TRRAP: variants seen among roughly 807,000 people sequenced by gnomAD.
The protein encoded by TRRAP is transformation/transcription domain-associated protein.
Under a neutral mutation model 438.8 loss-of-function variants are expected in TRRAP, and 41 were observed. The ratio of observed to expected loss-of-function variants is 0.09; its 90% confidence interval spans 0.07 to 0.12. The LOEUF (loss-of-function observed/expected upper bound fraction) is 0.12. Among genes scored for constraint, TRRAP ranks in the 10% least tolerant of loss-of-function variants. The probability of loss-of-function intolerance (pLI) is 1.00; values close to 1 mark genes in which losing one functional copy is unlikely to be tolerated. For missense variants in TRRAP, 3,122 were observed against 5,055.1 expected (o/e 0.62, Z 11.60); for synonymous variants, 1,994 against 1,962.9 (o/e 1.02, Z -0.42).
intron 12 of TRRAP, among the ~76,000 whole-genome samples, chr7:98,904,636 C>G (rs986429752): frequency 1.3e-5 from 2 of 152,180 alleles, no homozygotes; most frequent in African/African-American, 4.8e-5. Context: ...TCCCAAGCTG[C>G]TGCCCTGCAG....
rs185302768 is a variant in TRRAP, at chr7:98,915,354, G to A, written c.2200-369G>A. Among the ~76,000 whole-genome samples the A allele has an allele frequency of 1.6e-3, 238 of 152,002 alleles. 2 individuals carry two copies. The highest frequency in any genetic ancestry group is 5.5e-3 in the African/African-American group (229 of 41,452). On this transcript the variant is annotated intron_variant, in intron 18 of 72. Coordinates refer to ENST00000456197, the MANE Select transcript of TRRAP (RefSeq NM_001375524.1). Reference sequence around the variant, plus strand: ...ATTACCAGCGTGTGCCACCACAGCTGGCTAATTTTGTATTTTTAGTAGAGA... The same window carrying A: ...ATTACCAGCGTGTGCCACCACAGCTAGCTAATTTTGTATTTTTAGTAGAGA...
At chr7:98,981,269 G>A (rs910878421) in intron 58 of TRRAP, among the ~76,000 whole-genome samples, 3 of 152,154 alleles carry the variant, frequency 2.0e-5, no homozygotes, top group Non-Finnish European at 1.5e-5. Flanking sequence ...GGGCATGGTG[G>A]CACACGCCTG....
chr7:98,918,248 T>TTTTG (rs1789610727), intron 20 of TRRAP, among the ~76,000 whole-genome samples: 1 of 95,946 alleles, frequency 1.0e-5, no homozygotes, highest in African/African-American at 3.0e-5. Context: ...TTTTTTTTTT[T>TTTTG]GTGATAGAGT....
chr7:98,902,117 T>C (rs1390071521), intron 11 of TRRAP, among the ~76,000 whole-genome samples: 7 of 152,224 alleles, frequency 4.6e-5, no homozygotes, highest in Admixed American at 4.6e-4. Flanking sequence ...TACATGCAGA[T>C]TTTTGTATGG....
In TRRAP at chr7:98,978,266, G is replaced by C. The variant is rs768706920; in HGVS notation, c.8441G>C (p.Ser2814Thr). ...AAAGCCAAAAAAGAACATGAGAGGA[G>C]TAACGCCTCCCCTGCTATTTTCCCT... ...MDKAKKEHERSNASPAIFPEY... is the reference protein window; with the variant it reads ...MDKAKKEHERTNASPAIFPEY... The change falls in exon 57 of 73, where the codon AGT (serine) becomes ACT (threonine). Residue 2814 changes from serine to threonine, a missense_variant. By Grantham distance (58) the Ser-to-Thr change is moderately conservative. Coordinates refer to ENST00000456197, the MANE Select transcript of TRRAP (RefSeq NM_001375524.1). 1 of 1,614,156 alleles carries C rather than the reference G, an allele frequency of 6.2e-7. No homozygotes were observed. The highest frequency in any genetic ancestry group is 8.5e-7 in the Non-Finnish European group (1 of 1,180,034).
At chr7:99,008,242 C>G in intron 69 of TRRAP, 135 bp from the exon 70 acceptor site, 1 of 861,726 alleles carries the variant, frequency 1.2e-6, no homozygotes, top group Non-Finnish European at 1.8e-6. Context: ...TGCATGACCA[C>G]CGGGTTCTTC....
chr7:98,971,877 A>G lies in TRRAP; in HGVS notation c.7771A>G (p.Ile2591Val), dbSNP rs760750886. Residue 2591 changes from isoleucine (I) to valine (V), a missense_variant, in exon 53 of 73, where the codon ATT becomes GTT. Physicochemically the swap from Ile to Val is conservative, Grantham distance 29. This residue lies in a region of TRRAP where 992 missense variants were observed against 1,281.2 expected (regional missense o/e 0.77). Coordinates refer to ENST00000456197, the MANE Select transcript of TRRAP (RefSeq NM_001375524.1). ...AACCAAAGAACTTTCAGAAAAGGAC[A>G]TTGGAAACCAGCTGCACATGCTAAC... ...PKTKELSEKD[I>V]GNQLHMLTNR... 1.2e-6 allele frequency: 2 copies of G among 1,614,218 alleles called. No individual in the cohort carries two copies. The highest frequency in any genetic ancestry group is 1.3e-5 in the African/African-American group (1 of 75,048).
intron 20 of TRRAP, among the ~76,000 whole-genome samples, chr7:98,921,074 T>C (rs1308989791): frequency 6.6e-6 from 1 of 152,200 alleles, no homozygotes; most frequent in East Asian, 1.9e-4. Context: ...CGACTTCAGG[T>C]GATCCGCCCA....
intron 26 of TRRAP, among the ~76,000 whole-genome samples, chr7:98,932,572 G>A (rs1554413185): frequency 6.6e-6 from 1 of 151,912 alleles, no homozygotes; most frequent in Non-Finnish European, 1.5e-5. Flanking sequence ...TTGAACTCCT[G>A]GGGTCGAGCA....
At chr7:98,992,062 A>G (rs1793452283) in intron 64 of TRRAP, 75 bp from the exon 65 acceptor site, 13 of 1,528,870 alleles carry the variant, frequency 8.5e-6, no homozygotes, top group Non-Finnish European at 3.6e-6. Context: ...GACATTGGTT[A>G]TTTTCAGTAC....
At position 99,012,954 on chromosome 7, in the gene TRRAP, C is replaced by T. The variant is rs968913946; in HGVS notation, c.*599C>T. The T allele has an allele frequency of 6.6e-6, 1 of 152,334 alleles. No homozygotes were observed. The highest frequency in any genetic ancestry group is 1.5e-5 in the Non-Finnish European group (1 of 68,118). 9.4% of individuals were successfully genotyped at this position (152,334 alleles called of 1,614,324 possible). ...GGCCACCCTGCGGGAGCGCCACACG[C>T]ATCCACTTCGGATTCAGTGGGTGAA... On this transcript the variant is annotated 3_prime_UTR_variant, in exon 73 of 73. Coordinates refer to ENST00000456197, the MANE Select transcript of TRRAP (RefSeq NM_001375524.1). The surrounding 1 kb of genome is among the most constrained non-coding windows in gnomAD (Gnocchi z 5.9).
intron 3 of TRRAP, among the ~76,000 whole-genome samples, chr7:98,885,507 C>A (rs889183955): frequency 1.3e-5 from 2 of 151,962 alleles, no homozygotes; most frequent in Non-Finnish European, 2.9e-5. Flanking sequence ...GAATCAAATA[C>A]CCTACTATCT....
intron 17 of TRRAP, 70 bp from the exon 18 acceptor site, chr7:98,911,952 C>T: frequency 7.2e-7 from 1 of 1,385,970 alleles, no homozygotes; most frequent in Non-Finnish European, 1.0e-6. Context: ...TTTTTGAAAG[C>T]TTACTACTTT....
chr7:98,983,603 CG>C lies in TRRAP; in HGVS notation c.9022+148del, dbSNP rs1000159054. ...TATTTTGGGGTAGGGAATGACAGGT[CG>C]GGGTGGTAATGGTACAGGGAAAGAT... is the stretch of plus-strand genomic sequence containing the variant. On this transcript the variant is annotated intron_variant, in intron 60 of 72. Transcript: ENST00000456197. 54 of 871,724 alleles carry C rather than the reference CG, an allele frequency of 6.2e-5. No homozygotes were observed. In the African/African-American group the frequency reaches 6.8e-4, roughly 11 times the overall value. The allele number at this position is 871,724 out of a possible 1,614,324, so 54.0% of individuals were successfully genotyped here.
chr7:98,935,836 T>C (rs1436889815), intron 28 of TRRAP, among the ~76,000 whole-genome samples, 161 bp downstream of exon 28: 1 of 152,250 alleles, frequency 6.6e-6, no homozygotes, highest in Non-Finnish European at 1.5e-5. Flanking sequence ...TTTATCAAAC[T>C]GTGTAATGAG....
In TRRAP at chr7:99,011,560, C is replaced by T. The variant is rs1562985936; in HGVS notation, c.11337+25C>T. 1 of 1,605,740 alleles carries T rather than the reference C, an allele frequency of 6.2e-7. No homozygotes were observed. Among genetic ancestry groups the T allele is most frequent in the Non-Finnish European group, 8.5e-7 (1 of 1,176,108 alleles). On this transcript the variant is annotated intron_variant, in intron 72 of 72. Coordinates refer to ENST00000456197, the MANE Select transcript of TRRAP (RefSeq NM_001375524.1). This position sits in a 1 kb window ranked among gnomAD's most constrained non-coding sequence, Gnocchi z 7.1. ...GGTGGGTCTCCACGTCGTCCTATCA[C>T]AGGCGCAGGCTAGAGCCACTCAGAT...
At chr7:98,989,892 G>T (rs1166835439) in intron 63 of TRRAP, among the ~76,000 whole-genome samples, 4 of 152,250 alleles carry the variant, frequency 2.6e-5, no homozygotes, top group Non-Finnish European at 4.4e-5. Context: ...TCACTGGTCA[G>T]TGCTAGTCAG....
In TRRAP at chr7:98,908,724, G is replaced by T; in HGVS notation, c.1116-4G>T. ...TGAGCACTAGTCGAGGTCTCTGCCCGCAGGCCCCTCGCCTACAGCACGCTG... is the reference window on the plus strand; with the variant it reads ...TGAGCACTAGTCGAGGTCTCTGCCCTCAGGCCCCTCGCCTACAGCACGCTG... On this transcript the variant is annotated splice_region_variant and splice_polypyrimidine_tract_variant and intron_variant, in intron 13 of 72. Coordinates refer to ENST00000456197, the MANE Select transcript of TRRAP (RefSeq NM_001375524.1). The surrounding 1 kb of genome is among the most constrained non-coding windows in gnomAD (Gnocchi z 4.1). The T allele has an allele frequency of 6.5e-7, 1 of 1,545,842 alleles. No homozygotes were observed. The highest frequency in any genetic ancestry group is 1.2e-5 in the South Asian group (1 of 84,124).
intron 47 of TRRAP, 93 bp from the exon 48 acceptor site, chr7:98,964,536 C>T: frequency 1.4e-6 from 2 of 1,449,056 alleles, no homozygotes; most frequent in Admixed American, 2.0e-5. Flanking sequence ...ATGCTTTTGT[C>T]AGAATACATT....
Sources: gnomAD v4.1 joint callset for allele counts (sites outside exome capture counted in the v4.1 genomes callset) on GRCh38, gnomAD v4.1.1 for gene constraint, gnomAD v4.1.1 regional missense constraint, Gnocchi (gnomAD v3.1) non-coding constraint, MANE v1.5 for transcripts, NCBI Gene and HGNC (gene_info 2026-07-23, HGNC 2026-07-21) for gene names.